MAGOH: variants seen among roughly 807,000 people sequenced by gnomAD.
MAGOH encodes the protein protein mago nashi homolog.
Under a neutral mutation model 20.9 loss-of-function variants are expected in MAGOH, and 3 were observed. The observed-to-expected ratio is 0.14, with a 90% CI of 0.07 to 0.37. The LOEUF is 0.37. Among genes scored for constraint, MAGOH ranks in the 10% least tolerant of loss-of-function variants. The probability of loss-of-function intolerance (pLI) is 1.00; values close to 1 mark genes in which losing one functional copy is unlikely to be tolerated. For missense variants in MAGOH, 66 were observed against 178.1 expected, an observed-to-expected ratio of 0.37 and a Z score of 3.58; for synonymous variants, 51 against 61.0, an observed-to-expected ratio of 0.84 and a Z score of 0.76.
chr1:53,234,045 TAGG>T (rs1177666943), intron 2 of MAGOH: 1 of 178,670 alleles, frequency 5.6e-6, no homozygotes, highest in Non-Finnish European at 1.2e-5. Context: ...ATAGGGCCTT[TAGG>T]AGGTGATCAG....
At chr1:53,231,196 T>G (rs548612836) in intron 3 of MAGOH, among the ~76,000 whole-genome samples, 1 of 152,356 alleles carries the variant, frequency 6.6e-6, no homozygotes, top group East Asian at 1.9e-4. Flanking sequence ...TATTAGCCAC[T>G]TGTTTGATCT....
At chr1:53,236,193 T>A (rs1199768431) in intron 1 of MAGOH, among the ~76,000 whole-genome samples, 9 of 152,188 alleles carry the variant, frequency 5.9e-5, no homozygotes, top group Non-Finnish European at 1.5e-5. Context: ...ATAGAAGACA[T>A]GTAGACTAGA....
chr1:53,229,293 G>A (rs1645574886), intron 3 of MAGOH, among the ~76,000 whole-genome samples: 1 of 151,890 alleles, frequency 6.6e-6, no homozygotes, highest in South Asian at 2.1e-4. Flanking sequence ...CCGCCTCCCA[G>A]GTTCAAGCGA....
intron 3 of MAGOH, among the ~76,000 whole-genome samples, chr1:53,229,855 G>C (rs532627481): frequency 5.0e-4 from 76 of 152,288 alleles, no homozygotes; most frequent in Admixed American, 2.8e-3. Context: ...GGAGGTCAAG[G>C]CTGCAGTGAG....
intron 1 of MAGOH, among the ~76,000 whole-genome samples, chr1:53,236,793 G>A (rs1645612540): frequency 6.6e-6 from 1 of 152,162 alleles, no homozygotes; most frequent in South Asian, 2.1e-4. Flanking sequence ...GCCCCACTTA[G>A]TGGATGTCTT....
intron 1 of MAGOH, 140 bp downstream of exon 1, chr1:53,238,221 G>T: frequency 1.4e-6 from 1 of 704,440 alleles, no homozygotes; most frequent in Non-Finnish European, 2.5e-6. Context: ...CAGACACAGT[G>T]GCGTTCCTTT....
chr1:53,233,540 A>G lies in MAGOH; in HGVS notation c.258+2T>C, dbSNP rs748784122. ...CACTACAGGATAATCAATAAAACACACCTGCCGGCCCACTCGGTCAGGAGG... is the reference window on the plus strand; with the variant it reads ...CACTACAGGATAATCAATAAAACACGCCTGCCGGCCCACTCGGTCAGGAGG... On this transcript the variant is annotated splice_donor_variant, in intron 3 of 4. Coordinates refer to ENST00000371470, the MANE Select transcript of MAGOH (RefSeq NM_002370.4). LOFTEE classifies it high-confidence loss of function. 1 of 1,609,870 alleles carries G rather than the reference A, an allele frequency of 6.2e-7. No individual in the cohort carries two copies. Among genetic ancestry groups the G allele is most frequent in the Non-Finnish European group, 8.5e-7 (1 of 1,176,436 alleles).
chr1:53,228,940 G>T lies in MAGOH; in HGVS notation c.273C>A (p.Val91=). Residue 91 remains valine, a synonymous_variant, in exon 4 of 5, where the codon GTC becomes GTA. Transcript: ENST00000371470. Reference sequence around the variant, plus strand: ...TAAAAGAAATGTGTTCATCTCCAATGACGATTTCAAGCTCCTAGAAACATT... The same window carrying T: ...TAAAAGAAATGTGTTCATCTCCAATTACGATTTCAAGCTCCTAGAAACATT... ...DRVGRQELEI[V]IGDEHISFTT... 1 of 1,611,946 alleles carries T rather than the reference G, an allele frequency of 6.2e-7. No individual in the cohort carries two copies. Among genetic ancestry groups the T allele is most frequent in the South Asian group, 1.1e-5 (1 of 90,994 alleles).
chr1:53,232,838 C>T (rs1270501564), intron 3 of MAGOH, among the ~76,000 whole-genome samples: 7 of 152,196 alleles, frequency 4.6e-5, no homozygotes, highest in African/African-American at 1.4e-4. Flanking sequence ...CGGCGGCTTA[C>T]GCCTGTAACC....
chr1:53,227,153 C>A lies in MAGOH; in HGVS notation c.342-9G>T. On this transcript the variant is annotated splice_polypyrimidine_tract_variant and intron_variant, in intron 4 of 4. Coordinates refer to ENST00000371470, the MANE Select transcript of MAGOH (RefSeq NM_002370.4). ...GTAAGCCTTCTGGATCCCTAAAATA[C>A]AAAAGGAAAAAAGTTTAGGCATTAA... is the stretch of plus-strand genomic sequence containing the variant. 6.5e-7 allele frequency: 1 copy of A among 1,543,382 alleles called. No homozygotes were observed. The highest frequency in any genetic ancestry group is 8.8e-7 in the Non-Finnish European group (1 of 1,139,858).
At chr1:53,231,068 C>G (rs554501119) in intron 3 of MAGOH, among the ~76,000 whole-genome samples, 1 of 152,254 alleles carries the variant, frequency 6.6e-6, no homozygotes, top group East Asian at 1.9e-4. Flanking sequence ...TATTCTCACT[C>G]TTTTCTCATA....
At chr1:53,232,366 C>T (rs1645590235) in intron 3 of MAGOH, among the ~76,000 whole-genome samples, 1 of 151,968 alleles carries the variant, frequency 6.6e-6, no homozygotes, top group African/African-American at 2.4e-5. Flanking sequence ...GTGGAAAACA[C>T]TGAAAAGCAA....
intron 4 of MAGOH, among the ~76,000 whole-genome samples, chr1:53,227,676 G>T (rs991253556): frequency 6.6e-6 from 1 of 152,068 alleles, no homozygotes; most frequent in Non-Finnish European, 1.5e-5. Context: ...GAGTAGCTAG[G>T]ATTACAGGCA....
At chr1:53,238,269 C>A in intron 1 of MAGOH, 92 bp downstream of exon 1, 1 of 1,149,060 alleles carries the variant, frequency 8.7e-7, no homozygotes, top group Non-Finnish European at 1.3e-6. Context: ...CCTCCCTCCT[C>A]TAGTTCCCCA....
At chr1:53,236,860 T>C (rs917880738) in intron 1 of MAGOH, among the ~76,000 whole-genome samples, 1 of 152,010 alleles carries the variant, frequency 6.6e-6, no homozygotes, top group African/African-American at 2.4e-5. Flanking sequence ...CAAAATCCTA[T>C]CAACGATCAA....
chr1:53,237,945 T>C (rs965771336), intron 1 of MAGOH, among the ~76,000 whole-genome samples: 3 of 152,180 alleles, frequency 2.0e-5, no homozygotes, highest in Non-Finnish European at 4.4e-5. Context: ...GGCTGCAATA[T>C]ACCCTTTACA....
intron 4 of MAGOH, among the ~76,000 whole-genome samples, chr1:53,228,003 G>A (rs1244980412): frequency 2.0e-5 from 3 of 152,148 alleles, no homozygotes; most frequent in Non-Finnish European, 2.9e-5. Context: ...AAACGTAAGA[G>A]CCAAAGAAGT....
At position 53,227,037 on chromosome 1, in the gene MAGOH, T is replaced by C. The variant is rs1329825871; in HGVS notation, c.*8A>G. 3 of 640,788 alleles carry C rather than the reference T, an allele frequency of 4.7e-6. No individual in the cohort carries two copies. The highest frequency in any genetic ancestry group is 2.5e-5 in the African/African-American group (1 of 40,168). 39.7% of individuals were successfully genotyped at this position (640,788 alleles called of 1,614,324 possible). A position where few individuals can be genotyped will look rare whatever the true frequency, so the allele number is the denominator to read the frequency against. ...CACCCACCCCCCATGTCCACACCAA[T>C]ATTCAGTCTAGATTGGTTTAATCTT... On this transcript the variant is annotated 3_prime_UTR_variant, in exon 5 of 5. Coordinates refer to ENST00000371470, the MANE Select transcript of MAGOH (RefSeq NM_002370.4).
chr1:53,232,949 A>G (rs149753070), intron 3 of MAGOH, among the ~76,000 whole-genome samples: 3,471 of 152,152 alleles, frequency 0.023, 60 homozygotes, highest in Non-Finnish European at 0.036. Context: ...ACAAATACAA[A>G]AATTAGCTGG....
Sources: gnomAD v4.1 joint callset for allele counts (sites outside exome capture counted in the v4.1 genomes callset) on GRCh38, gnomAD v4.1.1 for gene constraint, MANE v1.5 for transcripts, NCBI Gene and HGNC (gene_info 2026-07-23, HGNC 2026-07-21) for gene names.